CTNNA2: variants seen among roughly 807,000 people sequenced by gnomAD.
The protein encoded by CTNNA2 is catenin alpha 2.
A neutral mutation model predicts 101.0 loss-of-function variants in CTNNA2; 42 were observed. The observed-to-expected ratio is 0.42, with a 90% CI of 0.32 to 0.54. The LOEUF (loss-of-function observed/expected upper bound fraction) is 0.54. CTNNA2 is among the 20% of genes least tolerant of loss of function. The pLI is 0.14. For synonymous variants in CTNNA2, 450 were observed against 456.4 expected, an observed-to-expected ratio of 0.99 and a Z score of 0.18; for missense variants, 871 against 1,223.1, an observed-to-expected ratio of 0.71 and a Z score of 4.29.
At chr2:80,593,875 A>C (rs780272647) in intron 15 of CTNNA2, among the ~76,000 whole-genome samples, 20 of 152,104 alleles carry the variant, frequency 1.3e-4, no homozygotes, top group Non-Finnish European at 2.4e-4. Flanking sequence ...TTATCCACTC[A>C]TCTCTTAATA....
intron 4 of CTNNA2, among the ~76,000 whole-genome samples, chr2:79,417,133 A>G (rs1050807544): frequency 6.6e-6 from 1 of 152,108 alleles, no homozygotes; most frequent in African/African-American, 2.4e-5. Flanking sequence ...GGACAGCACA[A>G]AATACCGAAA....
intron 2 of CTNNA2, among the ~76,000 whole-genome samples, chr2:79,284,881 A>G (rs984624114): frequency 7.3e-5 from 10 of 136,452 alleles, no homozygotes; most frequent in South Asian, 2.6e-4. Flanking sequence ...CTGTGAATCC[A>G]TCTGGTCCTG....
chr2:80,619,474 T>G (rs1304373632), intron 18 of CTNNA2, among the ~76,000 whole-genome samples: 3 of 151,944 alleles, frequency 2.0e-5, no homozygotes, highest in Non-Finnish European at 4.4e-5. Flanking sequence ...TTCTCAGTCT[T>G]TCTTCCCATT....
Position 80,424,204 on chromosome 2 carries a change from T to G in CTNNA2, c.1290+4603T>G, listed in dbSNP as rs557770284. Among the ~76,000 whole-genome samples, 70 of 152,286 alleles carry G rather than the reference T, an allele frequency of 4.6e-4. 1 individual carries two copies. The highest frequency in any genetic ancestry group is 1.5e-3 in the African/African-American group (64 of 41,572). ...CTCCTGACTTTGTGATCTGCCCTCC[T>G]TGGCCTCCCAAAGTGCTGGGATTAC... is the stretch of plus-strand genomic sequence containing the variant. On this transcript the variant is annotated intron_variant, in intron 9 of 18. Coordinates refer to ENST00000402739, the MANE Select transcript of CTNNA2 (RefSeq NM_001282597.3).
At chr2:79,242,993 T>TATACACACAC (rs1306982182) in intron 2 of CTNNA2, among the ~76,000 whole-genome samples, 75 of 116,714 alleles carry the variant, frequency 6.4e-4, no homozygotes, top group Non-Finnish European at 1.1e-3. Context: ...TATATATATA[T>TATACACACAC]ACACACACAC....
chr2:80,014,586 AC>A (rs1694007168), intron 7 of CTNNA2, among the ~76,000 whole-genome samples: 1 of 152,288 alleles, frequency 6.6e-6, no homozygotes, highest in East Asian at 1.9e-4. Flanking sequence ...CATGCCAACA[AC>A]CAACCTGCTT....
At chr2:80,631,907 G>A (rs1245958233) in intron 18 of CTNNA2, among the ~76,000 whole-genome samples, 2 of 152,066 alleles carry the variant, frequency 1.3e-5, no homozygotes, top group Non-Finnish European at 2.9e-5. Context: ...TGAGAATTAA[G>A]TGATAGTAGC....
intron 4 of CTNNA2, among the ~76,000 whole-genome samples, chr2:79,406,428 G>T (rs1678342671): frequency 1.3e-5 from 2 of 152,020 alleles, no homozygotes; most frequent in African/African-American, 2.4e-5. Flanking sequence ...CCCACAATGG[G>T]CATGAGAGAA....
intron 7 of CTNNA2, among the ~76,000 whole-genome samples, chr2:80,149,030 T>C (rs201374443): frequency 0.022 from 3,333 of 150,404 alleles, 142 homozygotes; most frequent in African/African-American, 0.076. Context: ...GTTATTTTTT[T>C]TTTTTTTTTT....
chr2:80,596,710 G>T (rs1249493044), intron 15 of CTNNA2, among the ~76,000 whole-genome samples: 3 of 151,908 alleles, frequency 2.0e-5, no homozygotes, highest in Non-Finnish European at 4.4e-5. Flanking sequence ...TCTTTTTGTT[G>T]CCTGATTGCC....
chr2:79,475,827 C>T (rs982198972), intron 4 of CTNNA2, among the ~76,000 whole-genome samples: 2 of 152,018 alleles, frequency 1.3e-5, no homozygotes, highest in Non-Finnish European at 2.9e-5. Context: ...GTCTATTATG[C>T]TTGGTAATAC....
intron 3 of CTNNA2, among the ~76,000 whole-genome samples, chr2:79,346,101 T>G (rs1558638172): frequency 6.6e-6 from 1 of 152,126 alleles, no homozygotes; most frequent in Non-Finnish European, 1.5e-5. Context: ...TTAAAGTTGG[T>G]CAGACTATCA....
At chr2:79,698,684 C>A (rs1684800002) in intron 2 of CTNNA2, among the ~76,000 whole-genome samples, 1 of 151,986 alleles carries the variant, frequency 6.6e-6, no homozygotes, top group Non-Finnish European at 1.5e-5. Context: ...AGGTAACACA[C>A]AAGAAGCAGA....
At chr2:80,066,258 A>G (rs1489783467) in intron 7 of CTNNA2, among the ~76,000 whole-genome samples, 1 of 152,216 alleles carries the variant, frequency 6.6e-6, no homozygotes, top group African/African-American at 2.4e-5. Flanking sequence ...AGCAAACGAA[A>G]CAAGCAACAG....
chr2:79,671,355 A>C (rs923549942), intron 2 of CTNNA2, among the ~76,000 whole-genome samples: 1 of 152,206 alleles, frequency 6.6e-6, no homozygotes, highest in Non-Finnish European at 1.5e-5. Context: ...ACCACCTTCA[A>C]GTTCCTGAGT....
chr2:80,403,613 A>C (rs1244321746), intron 8 of CTNNA2, among the ~76,000 whole-genome samples: 2 of 152,152 alleles, frequency 1.3e-5, no homozygotes, highest in East Asian at 1.9e-4. Flanking sequence ...GCTGGGTTTA[A>C]TTTACTCTAC....
At chr2:79,343,278 A>C (rs1298234089) in intron 3 of CTNNA2, among the ~76,000 whole-genome samples, 1 of 152,240 alleles carries the variant, frequency 6.6e-6, no homozygotes, top group African/African-American at 2.4e-5. Context: ...AAACAAAATT[A>C]TTAGAAACAA....
chr2:79,450,350 A>T (rs1037108286), intron 4 of CTNNA2, among the ~76,000 whole-genome samples: 1 of 152,020 alleles, frequency 6.6e-6, no homozygotes, highest in African/African-American at 2.4e-5. Flanking sequence ...CTCTGCATCC[A>T]CTGAGTCAAC....
chr2:79,879,926 G>T (rs898967077), intron 6 of CTNNA2, among the ~76,000 whole-genome samples: 1 of 152,098 alleles, frequency 6.6e-6, no homozygotes, highest in Non-Finnish European at 1.5e-5. Context: ...TCTTGCTTTT[G>T]CCCATTCAAT....
Sources: allele counts gnomAD v4.1 joint callset (sites outside exome capture counted in the v4.1 genomes callset), GRCh38; gene constraint gnomAD v4.1.1; transcripts MANE v1.5; gene names NCBI Gene and HGNC (gene_info 2026-07-23, HGNC 2026-07-21).